CTDSPL2: variants seen among roughly 807,000 people sequenced by gnomAD.
The protein encoded by CTDSPL2 is CTD small phosphatase-like protein 2.
Under a neutral mutation model 60.0 loss-of-function variants are expected in CTDSPL2, and 5 were observed. The ratio of observed to expected loss-of-function variants is 0.08; its 90% CI spans 0.04 to 0.18. The LOEUF (loss-of-function observed/expected upper bound fraction) is 0.18, where lower values mean the gene tolerates loss of function less well. CTDSPL2 is among the 10% of genes least tolerant of loss of function. The pLI is 1.00. For synonymous variants in CTDSPL2, 186 were observed against 189.3 expected, an observed-to-expected ratio of 0.98 and a Z score of 0.14; for missense variants, 370 against 548.8, an observed-to-expected ratio of 0.67 and a Z score of 3.26.
chr15:44,459,752 T>G (rs1000629614), intron 2 of CTDSPL2, among the ~76,000 whole-genome samples: 15 of 152,324 alleles, frequency 9.8e-5, no homozygotes, highest in African/African-American at 3.6e-4. Context: ...TTCCTTGTTC[T>G]TTTACTTGAG....
rs183347320 is a variant in CTDSPL2 at position 44,471,939 on chromosome 15, C to T, written c.187-12285C>T. On this transcript the variant is annotated intron_variant, in intron 2 of 12. Transcript: ENST00000260327. The stretch of plus-strand genomic sequence containing the variant: ...ATGGTGCATTTGTTCTCAGGATCTC[C>T]TGGGGCTGTGTCCTGGGAATTGAAT... Among the ~76,000 whole-genome samples, 17 of 151,084 alleles carry T rather than the reference C, an allele frequency of 1.1e-4. No homozygotes were observed. In the East Asian group the frequency reaches 2.5e-3, roughly 22 times the overall value.
At chr15:44,459,228 T>A in intron 2 of CTDSPL2, 28 bp downstream of exon 2, 1 of 1,532,750 alleles carries the variant, frequency 6.5e-7, no homozygotes, top group Non-Finnish European at 8.8e-7. Flanking sequence ...TACTTTCATA[T>A]CATTAAAAGT....
intron 7 of CTDSPL2, among the ~76,000 whole-genome samples, chr15:44,498,525 G>A (rs776464217): frequency 1.1e-4 from 16 of 152,126 alleles, no homozygotes; most frequent in Non-Finnish European, 2.1e-4. Flanking sequence ...GTTTGAGGCG[G>A]CAGTGAGCTA....
At chr15:44,489,299 G>T (rs1357950120) in intron 4 of CTDSPL2, among the ~76,000 whole-genome samples, 1 of 152,084 alleles carries the variant, frequency 6.6e-6, no homozygotes, top group Non-Finnish European at 1.5e-5. Flanking sequence ...GGGATTTCTT[G>T]ATGGATGACA....
chr15:44,448,712 C>A, intron 1 of CTDSPL2: 1 of 337,714 alleles, frequency 3.0e-6, no homozygotes, highest in Admixed American at 3.8e-5. Flanking sequence ...ATTCCAGTGC[C>A]TTTATTCAGG....
chr15:44,427,983 T>G, intron 1 of CTDSPL2: 1 of 298,116 alleles, frequency 3.4e-6, no homozygotes, highest in Non-Finnish European at 6.1e-6. Flanking sequence ...GGGAGCTCAC[T>G]TCCCGCCAGC....
chr15:44,496,326 A>G, intron 5 of CTDSPL2, 54 bp from the exon 6 acceptor site: 2 of 1,156,448 alleles, frequency 1.7e-6, no homozygotes. Context: ...AAAAATATAT[A>G]TTTCATGAAG....
At chr15:44,494,044 A>G (rs978333144) in intron 5 of CTDSPL2, among the ~76,000 whole-genome samples, 11 of 152,180 alleles carry the variant, frequency 7.2e-5, no homozygotes, top group Admixed American at 2.6e-4. Flanking sequence ...ACTATTATCT[A>G]CCATTTCATT....
At chr15:44,517,087 G>A (rs1336599437) in intron 10 of CTDSPL2, among the ~76,000 whole-genome samples, 3 of 150,784 alleles carry the variant, frequency 2.0e-5, no homozygotes, top group South Asian at 2.1e-4. Context: ...ATCCGCCCAC[G>A]TTGGCCTCCC....
chr15:44,488,207 CTA>C (rs2081154659), intron 4 of CTDSPL2, among the ~76,000 whole-genome samples: 1 of 151,824 alleles, frequency 6.6e-6, no homozygotes, highest in Non-Finnish European at 1.5e-5. Context: ...ACGATCAGAT[CTA>C]TGTTTTATAA....
intron 10 of CTDSPL2, chr15:44,516,830 CTTGT>C (rs1426144899): frequency 2.0e-5 from 3 of 147,496 alleles, no homozygotes; most frequent in Non-Finnish European, 3.0e-5. Flanking sequence ...GAAACAAAAG[CTTGT>C]TTTTTTGTTT....
At chr15:44,431,603 T>C (rs1167542303) in intron 1 of CTDSPL2, among the ~76,000 whole-genome samples, 1 of 152,138 alleles carries the variant, frequency 6.6e-6, no homozygotes, top group African/African-American at 2.4e-5. Context: ...TTGTTGACAA[T>C]ATTAGCACAG....
chr15:44,494,669 C>T (rs2412883), intron 5 of CTDSPL2, among the ~76,000 whole-genome samples: 16 of 151,750 alleles, frequency 1.1e-4, no homozygotes, highest in African/African-American at 3.1e-4. Context: ...CTGCACTTTG[C>T]GAGGCCGGGT....
At chr15:44,483,120 G>A (rs564922560) in intron 2 of CTDSPL2, among the ~76,000 whole-genome samples, 11 of 152,036 alleles carry the variant, frequency 7.2e-5, no homozygotes, top group Middle Eastern at 3.4e-3. Flanking sequence ...TTAGCGGGGC[G>A]TGGTGGTGCG....
intron 1 of CTDSPL2, among the ~76,000 whole-genome samples, chr15:44,428,362 T>C (rs750335754): frequency 1.3e-5 from 2 of 152,234 alleles, no homozygotes; most frequent in Non-Finnish European, 2.9e-5. Flanking sequence ...GTTTCCACAG[T>C]GGTCAGTTAA....
At chr15:44,458,093 C>T (rs111381182) in intron 1 of CTDSPL2, among the ~76,000 whole-genome samples, 2,061 of 152,206 alleles carry the variant, frequency 0.014, 22 homozygotes, top group Middle Eastern at 0.031. Flanking sequence ...GCTTTATTGT[C>T]CTTTGCACAT....
chr15:44,512,293 A>G (rs1380804177), intron 8 of CTDSPL2, among the ~76,000 whole-genome samples: 1 of 152,168 alleles, frequency 6.6e-6, no homozygotes, highest in Non-Finnish European at 1.5e-5. Context: ...GATAAGGGAC[A>G]CTCAACCTGT....
Position 44,454,334 on chromosome 15 carries a change from T to A in CTDSPL2, c.-24-4657T>A, listed in dbSNP as rs2080391132. Among the ~76,000 whole-genome samples the A allele has an allele frequency of 4.6e-5, 7 of 152,326 alleles. No homozygotes were observed. In the South Asian group the frequency reaches 1.5e-3, roughly 32 times the overall value. Reference sequence around the variant, plus strand: ...GTAGATTCCAGATATTAGCCCTTTGTCAGATGAGTAGATTGCAAAATTTTT... The same window carrying A: ...GTAGATTCCAGATATTAGCCCTTTGACAGATGAGTAGATTGCAAAATTTTT... On this transcript the variant is annotated intron_variant, in intron 1 of 12. Coordinates refer to ENST00000260327, the MANE Select transcript of CTDSPL2 (RefSeq NM_016396.3).
intron 1 of CTDSPL2, among the ~76,000 whole-genome samples, chr15:44,444,383 C>T (rs957877395): frequency 6.6e-6 from 1 of 151,814 alleles, no homozygotes; most frequent in Non-Finnish European, 1.5e-5. Flanking sequence ...CTTACTCTGT[C>T]ACCCAGGTTG....
Sources: gnomAD v4.1 joint callset for allele counts (sites outside exome capture counted in the v4.1 genomes callset) on GRCh38, gnomAD v4.1.1 for gene constraint, MANE v1.5 for transcripts, NCBI Gene and HGNC (gene_info 2026-07-23, HGNC 2026-07-21) for gene names.